Variants in NBEAL1 observed in about 807,000 individuals in gnomAD.
The protein encoded by NBEAL1 is neurobeachin like 1.
In NBEAL1, 273 loss-of-function variants were observed where a neutral mutation model predicts 351.3. The ratio of observed to expected loss-of-function variants is 0.78; its 90% CI spans 0.70 to 0.86. The LOEUF (loss-of-function observed/expected upper bound fraction) is 0.86. NBEAL1 is among the 40% of genes least tolerant of loss of function. The pLI is 0.00. For synonymous variants in NBEAL1, 1,050 were observed against 1,086.4 expected (o/e 0.97, Z 0.66); for missense variants, 2,961 against 3,201.3 (o/e 0.92, Z 1.81).
At chr2:203,098,002 T>C (rs2062220797) in intron 11 of NBEAL1, among the ~76,000 whole-genome samples, 1 of 152,198 alleles carries the variant, frequency 6.6e-6, no homozygotes, top group Non-Finnish European at 1.5e-5. Flanking sequence ...TGTATGGTCA[T>C]TGTTAATATC....
chr2:203,135,426 CT>C (rs1469492533), intron 27 of NBEAL1, among the ~76,000 whole-genome samples: 1 of 152,002 alleles, frequency 6.6e-6, no homozygotes, highest in Non-Finnish European at 1.5e-5. Flanking sequence ...TTTAATTTTT[CT>C]TTTTTATCTT....
At chr2:203,083,614 G>A (rs922053862) in intron 9 of NBEAL1, 89 bp downstream of exon 9, 47 of 1,004,978 alleles carry the variant, frequency 4.7e-5, no homozygotes, top group Non-Finnish European at 1.0e-5. Context: ...CCATTGTATG[G>A]AAAGTATTGA....
chr2:203,137,697 T>G (rs1468687383), intron 29 of NBEAL1, among the ~76,000 whole-genome samples: 1 of 152,118 alleles, frequency 6.6e-6, no homozygotes, highest in Non-Finnish European at 1.5e-5. Context: ...TAAATTCCAT[T>G]TATAGGCCTG....
rs1310989640 is a variant in NBEAL1, at chr2:203,224,519, A to G, written c.*7165A>G. 2.0e-5 allele frequency among the ~76,000 whole-genome samples: 3 copies of G among 152,174 alleles called. No individual in the cohort carries two copies. Among genetic ancestry groups the G allele is most frequent in the Non-Finnish European group, 4.4e-5 (3 of 67,984 alleles). On this transcript the variant is annotated 3_prime_UTR_variant, in exon 56 of 56. Transcript: ENST00000683969. ...TTTTGTCAGTTTTTCTGGGACTCCAATAGCATTTCAGTGTTATAGAGAGTG... is the reference window on the plus strand; with the variant it reads ...TTTTGTCAGTTTTTCTGGGACTCCAGTAGCATTTCAGTGTTATAGAGAGTG...
chr2:203,186,879 T>C (rs2064912045), intron 44 of NBEAL1, among the ~76,000 whole-genome samples: 1 of 152,156 alleles, frequency 6.6e-6, no homozygotes, highest in African/African-American at 2.4e-5. Flanking sequence ...TATGGAAAAA[T>C]GCTCTTAAGA....
intron 4 of NBEAL1, among the ~76,000 whole-genome samples, chr2:203,054,804 T>C (rs1242333157): frequency 2.0e-5 from 3 of 152,218 alleles, no homozygotes; most frequent in Non-Finnish European, 4.4e-5. Flanking sequence ...ATACAGTGAA[T>C]GATTGAGCTG....
At chr2:203,169,182 G>T (rs1257190080) in intron 38 of NBEAL1, among the ~76,000 whole-genome samples, 3 of 151,742 alleles carry the variant, frequency 2.0e-5, no homozygotes, top group African/African-American at 7.3e-5. Context: ...GTACAATAGG[G>T]TAATTAAAAC....
Position 203,122,357 on chromosome 2 carries a change from A to G in NBEAL1, c.2682+14A>G. ...TGGGACATTAAGGTAAATTAATAGT[A>G]AATGTTGGGCAACATCTTACATAAT... is the stretch of plus-strand genomic sequence containing the variant. On this transcript the variant is annotated intron_variant, in intron 19 of 55. Coordinates refer to ENST00000683969, the MANE Select transcript of NBEAL1 (RefSeq NM_001378026.1). 6.9e-7 allele frequency: 1 copy of G among 1,445,056 alleles called. No individual in the cohort carries two copies. 89.5% of individuals were successfully genotyped at this position (1,445,056 alleles called of 1,614,324 possible).
At chr2:203,051,531 G>A (rs1167407187) in intron 4 of NBEAL1, among the ~76,000 whole-genome samples, 13 of 150,662 alleles carry the variant, frequency 8.6e-5, no homozygotes, top group Non-Finnish European at 1.2e-4. Context: ...GGGTGACGGA[G>A]CGAGACTCTT....
intron 3 of NBEAL1, among the ~76,000 whole-genome samples, chr2:203,045,183 T>C (rs915465506): frequency 6.6e-6 from 1 of 152,190 alleles, no homozygotes; most frequent in Non-Finnish European, 1.5e-5. Flanking sequence ...TAATTATTTA[T>C]TAAAACCAAT....
intron 12 of NBEAL1, among the ~76,000 whole-genome samples, chr2:203,104,602 A>G (rs1487741077): frequency 1.3e-5 from 2 of 152,120 alleles, no homozygotes; most frequent in Admixed American, 6.5e-5. Context: ...TAGTTATTAT[A>G]CAGACTTGTT....
At chr2:203,057,266 G>T (rs1203341053) in intron 5 of NBEAL1, 60 bp from the exon 6 acceptor site, 7 of 1,422,056 alleles carry the variant, frequency 4.9e-6, no homozygotes, top group South Asian at 1.3e-5. Context: ...GAATACAAAT[G>T]ACTTATTGTT....
At chr2:203,069,490 G>A (rs1169142370) in intron 7 of NBEAL1, among the ~76,000 whole-genome samples, 1 of 152,168 alleles carries the variant, frequency 6.6e-6, no homozygotes, top group Non-Finnish European at 1.5e-5. Context: ...GCTATTCTTT[G>A]GTCCTCCAAG....
At chr2:203,031,893 T>C (rs1044890965) in intron 2 of NBEAL1, among the ~76,000 whole-genome samples, 1 of 152,242 alleles carries the variant, frequency 6.6e-6, no homozygotes, top group African/African-American at 2.4e-5. Context: ...TACACTCTTG[T>C]ATACAATCCC....
At chr2:203,205,302 A>AT (rs146464035) in intron 51 of NBEAL1, among the ~76,000 whole-genome samples, 4 of 151,822 alleles carry the variant, frequency 2.6e-5, no homozygotes, top group African/African-American at 9.7e-5. Flanking sequence ...ACAGCATCTT[A>AT]TTTTTTTTAA....
intron 2 of NBEAL1, among the ~76,000 whole-genome samples, chr2:203,033,700 A>G (rs1428875330): frequency 1.3e-5 from 2 of 152,192 alleles, no homozygotes; most frequent in African/African-American, 4.8e-5. Flanking sequence ...TGTATCTATT[A>G]TCATCCAAGT....
rs535996414 is a variant in NBEAL1 at position 203,156,877 on chromosome 2, A to C, written c.5588-822A>C. The stretch of plus-strand genomic sequence containing the variant: ...TGTTAATTTTTTTTCCAATCCTATA[A>C]ATTATGCATATATTTGTATTGCTGT... On this transcript the variant is annotated intron_variant, in intron 35 of 55. Transcript: ENST00000683969. Among the ~76,000 whole-genome samples, 30 of 152,312 alleles carry C rather than the reference A, an allele frequency of 2.0e-4. 1 individual carries two copies. In the South Asian group the frequency reaches 6.2e-3, roughly 32 times the overall value.
intron 12 of NBEAL1, among the ~76,000 whole-genome samples, chr2:203,103,176 G>A (rs1400891169): frequency 6.6e-6 from 1 of 151,626 alleles, no homozygotes; most frequent in Non-Finnish European, 1.5e-5. Flanking sequence ...TTCTGATTGT[G>A]TTTATTTAGA....
intron 8 of NBEAL1, among the ~76,000 whole-genome samples, chr2:203,078,250 T>G (rs1425899259): frequency 1.3e-5 from 2 of 152,220 alleles, no homozygotes; most frequent in Non-Finnish European, 2.9e-5. Flanking sequence ...ATATGTTTTT[T>G]TTTCAACAAA....
Sources: gnomAD v4.1 joint callset for allele counts (sites outside exome capture counted in the v4.1 genomes callset) on GRCh38, gnomAD v4.1.1 for gene constraint, MANE v1.5 for transcripts, NCBI Gene and HGNC (gene_info 2026-07-23, HGNC 2026-07-21) for gene names.